HTR4: variants seen among roughly 807,000 people sequenced by gnomAD.
The protein encoded by HTR4 is 5-hydroxytryptamine (serotonin) receptor 4, G protein-coupled.
A neutral mutation model predicts 36.8 loss-of-function variants in HTR4; 16 were observed. The observed-to-expected ratio is 0.43, with a 90% CI of 0.29 to 0.66. The LOEUF (loss-of-function observed/expected upper bound fraction) is 0.66. Ranked by LOEUF, HTR4 falls within the 30% of genes least tolerant of loss-of-function variation. HTR4 has a pLI of 0.13. For missense variants in HTR4, 438 were observed against 490.9 expected (o/e 0.89, Z 1.02); for synonymous variants, 189 against 185.1 (o/e 1.02, Z -0.17).
chr5:148,610,227 T>G (rs1752363617), intron 2 of HTR4, among the ~76,000 whole-genome samples: 1 of 152,196 alleles, frequency 6.6e-6, no homozygotes, highest in Admixed American at 6.5e-5. Flanking sequence ...ACAGCTCCGG[T>G]CTACAGCTCC....
intron 2 of HTR4, among the ~76,000 whole-genome samples, chr5:148,597,432 C>T (rs926644755): frequency 6.6e-6 from 1 of 152,164 alleles, no homozygotes; most frequent in African/African-American, 2.4e-5. Context: ...AACAGTTTCT[C>T]ATCACTCTTG....
chr5:148,543,279 A>T (rs1486405460), intron 4 of HTR4, among the ~76,000 whole-genome samples: 2 of 152,218 alleles, frequency 1.3e-5, no homozygotes, highest in Non-Finnish European at 2.9e-5. Flanking sequence ...GAGGGAAGTA[A>T]ACAGGGAGAA....
intron 6 of HTR4, among the ~76,000 whole-genome samples, chr5:148,485,351 C>T (rs1449856368): frequency 6.6e-6 from 1 of 152,202 alleles, no homozygotes; most frequent in Non-Finnish European, 1.5e-5. Flanking sequence ...TCATTTTTGA[C>T]ACCAGCACCT....
At chr5:148,608,271 G>T (rs1480183826) in intron 2 of HTR4, among the ~76,000 whole-genome samples, 2 of 152,136 alleles carry the variant, frequency 1.3e-5, no homozygotes, top group Non-Finnish European at 2.9e-5. Context: ...TTAAAGTCTT[G>T]CAGGGGAAAC....
intron 4 of HTR4, among the ~76,000 whole-genome samples, chr5:148,527,272 A>G (rs1417505901): frequency 6.6e-6 from 1 of 152,250 alleles, no homozygotes; most frequent in East Asian, 1.9e-4. Context: ...TGATTTCCAT[A>G]AATGGATGTG....
At chr5:148,588,134 A>C (rs576271851) in intron 2 of HTR4, among the ~76,000 whole-genome samples, 41 of 152,296 alleles carry the variant, frequency 2.7e-4, no homozygotes, top group African/African-American at 9.4e-4. Flanking sequence ...CTCTGCCACC[A>C]ACCAGCTGAG....
intron 2 of HTR4, among the ~76,000 whole-genome samples, chr5:148,569,197 C>A (rs1447759369): frequency 1.3e-5 from 2 of 151,848 alleles, no homozygotes; most frequent in Non-Finnish European, 2.9e-5. Flanking sequence ...CACAGGTGTT[C>A]TTTTATGTTT....
At chr5:148,571,877 C>T (rs1760692207) in intron 2 of HTR4, among the ~76,000 whole-genome samples, 2 of 152,066 alleles carry the variant, frequency 1.3e-5, no homozygotes, top group Admixed American at 1.3e-4. Flanking sequence ...GGATTTTTAA[C>T]ACATCTTCCA....
intron 5 of HTR4, among the ~76,000 whole-genome samples, chr5:148,466,506 G>A (rs1363133897): frequency 1.3e-5 from 2 of 152,164 alleles, no homozygotes; most frequent in South Asian, 2.1e-4. Flanking sequence ...GAGCCATGAC[G>A]TACTCATTCA....
intron 1 of HTR4, among the ~76,000 whole-genome samples, chr5:148,644,422 GTTTTTTTTTTTTTTTTTT>G (rs1175588280): frequency 4.9e-5 from 2 of 40,584 alleles, no homozygotes; most frequent in African/African-American, 1.1e-4. Flanking sequence ...AAGCTCACAA[GTTTTTTTTTTTTTTTTTT>G]TTTTTTTTTT....
At chr5:148,595,209 T>C (rs1761722196) in intron 2 of HTR4, among the ~76,000 whole-genome samples, 1 of 152,176 alleles carries the variant, frequency 6.6e-6, no homozygotes, top group Admixed American at 6.5e-5. Flanking sequence ...TAGGCAGTTC[T>C]AGAATCTCTA....
chr5:148,548,178 T>C (rs1759482807), intron 4 of HTR4, among the ~76,000 whole-genome samples: 1 of 152,234 alleles, frequency 6.6e-6, no homozygotes, highest in Admixed American at 6.5e-5. Flanking sequence ...TGTAACTTTC[T>C]GGAAAAGAGT....
chr5:148,618,005 CTT>C (rs1324356014), intron 2 of HTR4, among the ~76,000 whole-genome samples: 6 of 152,114 alleles, frequency 3.9e-5, no homozygotes, highest in African/African-American at 1.4e-4. Flanking sequence ...TCGGCAACAG[CTT>C]CATTCCTGGG....
intron 6 of HTR4, among the ~76,000 whole-genome samples, chr5:148,488,071 G>A (rs1000131562): frequency 3.3e-5 from 5 of 152,120 alleles, no homozygotes; most frequent in African/African-American, 9.7e-5. Flanking sequence ...GATAAAAACC[G>A]AGTTGTCTAT....
chr5:148,462,793 A>G (rs770849638), intron 5 of HTR4, among the ~76,000 whole-genome samples: 1 of 152,234 alleles, frequency 6.6e-6, no homozygotes, highest in Non-Finnish European at 1.5e-5. Context: ...CTAACAATGT[A>G]TACACAGAAT....
chr5:148,482,959 A>G lies in HTR4; in HGVS notation c.*244T>C, dbSNP rs1030016096. On this transcript the variant is annotated 3_prime_UTR_variant, in exon 7 of 7. Transcript: ENST00000377888. ...CAGAGACCACGCGGCAAAAGCAGAG[A>G]ATCTGGGAAGAGGGAGTGTTGGGAA... The G allele has an allele frequency of 3.6e-6, 5 of 1,381,948 alleles. No homozygotes were observed. The highest frequency in any genetic ancestry group is 3.0e-5 in the Admixed American group (1 of 33,396). The allele number at this position is 1,381,948 out of a possible 1,614,324, so 85.6% of individuals were successfully genotyped here. A position where few individuals can be genotyped will look rare whatever the true frequency, so the allele number is the denominator to read the frequency against.
chr5:148,477,744 C>A (rs1256302809), downstream of HTR4, among the ~76,000 whole-genome samples: 1 of 152,212 alleles, frequency 6.6e-6, no homozygotes, highest in East Asian at 1.9e-4. Context: ...ACTTATTTCT[C>A]TGATCCCATC....
At chr5:148,485,681 A>G (rs1284899280) in intron 6 of HTR4, among the ~76,000 whole-genome samples, 4 of 152,126 alleles carry the variant, frequency 2.6e-5, no homozygotes, top group African/African-American at 7.2e-5. Context: ...AGAACTAGGG[A>G]GACTAGGTGT....
chr5:148,529,207 C>A (rs1477828785), intron 4 of HTR4, among the ~76,000 whole-genome samples: 1 of 151,994 alleles, frequency 6.6e-6, no homozygotes, highest in East Asian at 1.9e-4. Context: ...TGGAAACAAT[C>A]AAAACATGAA....
Sources: gnomAD v4.1 joint callset for allele counts (sites outside exome capture counted in the v4.1 genomes callset) on GRCh38, gnomAD v4.1.1 for gene constraint, MANE v1.5 for transcripts, NCBI Gene and HGNC (gene_info 2026-07-23, HGNC 2026-07-21) for gene names.